The following SNTB1 variants were observed in gnomAD, a reference collection of about 807,000 sequenced individuals.
SNTB1 encodes syntrophin beta 1, also known as beta-1-syntrophin.
SNTB1 carries 36 observed loss-of-function variants against 48.9 expected under a neutral mutation model. That is an observed-to-expected ratio of 0.74 (90% CI 0.56 to 0.97). The LOEUF is 0.97. Among genes scored for constraint, SNTB1 ranks in the 50% least tolerant of loss-of-function variants. SNTB1 has a pLI of 0.00. For synonymous variants in SNTB1, 299 were observed against 294.6 expected (o/e 1.01, Z -0.15); for missense variants, 786 against 703.4 (o/e 1.12, Z -1.33).
intron 1 of SNTB1, among the ~76,000 whole-genome samples, chr8:120,734,898 G>A (rs2129987258): frequency 6.6e-6 from 1 of 152,328 alleles, no homozygotes; most frequent in African/African-American, 2.4e-5. Context: ...CTGGCTATAA[G>A]TGGATGAGAA....
chr8:120,595,860 C>T (rs1264956964), intron 3 of SNTB1, among the ~76,000 whole-genome samples: 1 of 152,070 alleles, frequency 6.6e-6, no homozygotes, highest in Non-Finnish European at 1.5e-5. Context: ...TGGGATTCCT[C>T]TACTTTCTTA....
chr8:120,554,234 T>G (rs1255680647), intron 4 of SNTB1, among the ~76,000 whole-genome samples: 1 of 152,122 alleles, frequency 6.6e-6, no homozygotes, highest in Non-Finnish European at 1.5e-5. Context: ...TTCTACATGG[T>G]CCTGGGGTAA....
chr8:120,795,252 A>G (rs1220936756), intron 1 of SNTB1, among the ~76,000 whole-genome samples: 1 of 151,998 alleles, frequency 6.6e-6, no homozygotes, highest in East Asian at 1.9e-4. Flanking sequence ...AAGTTAAAAA[A>G]AAAAACAAAA....
Position 120,538,754 on chromosome 8 carries a change from G to T in SNTB1, c.*123C>A. The T allele has an allele frequency of 2.4e-6, 2 of 828,218 alleles. No homozygotes were observed. The highest frequency in any genetic ancestry group is 4.2e-6 in the Non-Finnish European group (2 of 473,098). The allele number at this position is 828,218 out of a possible 1,614,324, so 51.3% of individuals were successfully genotyped here. ...TCTGGGACAGTTACATACGACTCTT[G>T]AGAGCTAAAGCTGACTGTAGCACGC... On this transcript the variant is annotated 3_prime_UTR_variant, in exon 7 of 7. Coordinates refer to ENST00000517992, the MANE Select transcript of SNTB1 (RefSeq NM_021021.4).
At chr8:120,695,316 C>T (rs9642852) in intron 1 of SNTB1, among the ~76,000 whole-genome samples, 14,708 of 152,210 alleles carry the variant, frequency 0.097, 694 homozygotes, top group Admixed American at 0.11. Flanking sequence ...ATGAACAATA[C>T]ACTCCAAACT....
intron 6 of SNTB1, 61 bp from the exon 7 acceptor site, chr8:120,539,030 G>T: frequency 7.7e-7 from 1 of 1,291,028 alleles, no homozygotes; most frequent in South Asian, 1.4e-5. Context: ...GTAGATGGGT[G>T]ATTTGCACAT....
At chr8:120,761,779 T>G (rs984069772) in intron 1 of SNTB1, among the ~76,000 whole-genome samples, 4 of 152,212 alleles carry the variant, frequency 2.6e-5, no homozygotes, top group Non-Finnish European at 1.5e-5. Flanking sequence ...TACACTATGG[T>G]ACAAGTTCTA....
At chr8:120,725,817 C>T (rs1430952307) in intron 1 of SNTB1, among the ~76,000 whole-genome samples, 1 of 152,198 alleles carries the variant, frequency 6.6e-6, no homozygotes, top group Non-Finnish European at 1.5e-5. Context: ...GCAACTCCTT[C>T]ATCTCCCCAG....
chr8:120,732,754 G>A (rs889827262), intron 1 of SNTB1, among the ~76,000 whole-genome samples: 5 of 152,192 alleles, frequency 3.3e-5, no homozygotes, highest in Non-Finnish European at 2.9e-5. Context: ...GCTGAGGCAG[G>A]AGAATCATTT....
chr8:120,604,022 G>T (rs1170155163), intron 3 of SNTB1, among the ~76,000 whole-genome samples: 1 of 152,162 alleles, frequency 6.6e-6, no homozygotes, highest in Non-Finnish European at 1.5e-5. Flanking sequence ...ATACCCAGGT[G>T]TCTGCGAGTG....
rs574745990 is a variant in SNTB1, at chr8:120,751,913, T to C, written c.572-58005A>G. ...TTCATCTTGTTCTGGCTGAAAGCAG[T>C]TAATGGAAAATGGTGCAACTCAGCA... On this transcript the variant is annotated intron_variant, in intron 1 of 6. Transcript: ENST00000517992. 1.1e-4 allele frequency among the ~76,000 whole-genome samples: 16 copies of C among 152,264 alleles called. No individual in the cohort carries two copies. The East Asian group carries it at 2.9e-3, about 28-fold the overall frequency.
At chr8:120,740,832 T>A (rs1168505094) in intron 1 of SNTB1, among the ~76,000 whole-genome samples, 1 of 152,204 alleles carries the variant, frequency 6.6e-6, no homozygotes, top group Non-Finnish European at 1.5e-5. Flanking sequence ...GAAAAAACTT[T>A]AACACATTCT....
At chr8:120,724,851 G>T (rs1349314189) in intron 1 of SNTB1, among the ~76,000 whole-genome samples, 1 of 152,196 alleles carries the variant, frequency 6.6e-6, no homozygotes, top group Non-Finnish European at 1.5e-5. Context: ...TGGGTGAAAT[G>T]CACAAGGCAG....
chr8:120,801,306 C>T (rs1229554688), intron 1 of SNTB1, among the ~76,000 whole-genome samples: 1 of 151,982 alleles, frequency 6.6e-6, no homozygotes, highest in East Asian at 1.9e-4. Context: ...CTACATAAGT[C>T]ACCTCTTCTG....
chr8:120,695,857 C>G (rs1296436006), intron 1 of SNTB1, among the ~76,000 whole-genome samples: 1 of 152,160 alleles, frequency 6.6e-6, no homozygotes, highest in Non-Finnish European at 1.5e-5. Context: ...AAGAAAAGAG[C>G]TCCATGGTTG....
intron 2 of SNTB1, among the ~76,000 whole-genome samples, chr8:120,677,713 A>G (rs1220521160): frequency 1.3e-5 from 2 of 152,162 alleles, no homozygotes; most frequent in Non-Finnish European, 2.9e-5. Context: ...TAAAAATAGT[A>G]TATTCATAGA....
intron 2 of SNTB1, among the ~76,000 whole-genome samples, chr8:120,677,521 C>G (rs1037877158): frequency 1.3e-5 from 2 of 152,156 alleles, no homozygotes; most frequent in African/African-American, 4.8e-5. Flanking sequence ...GAAAATACGA[C>G]TTTCCCAGGA....
At chr8:120,753,374 C>T (rs1248517109) in intron 1 of SNTB1, among the ~76,000 whole-genome samples, 1 of 152,142 alleles carries the variant, frequency 6.6e-6, no homozygotes, top group East Asian at 1.9e-4. Flanking sequence ...GCCCACTCCA[C>T]CTCCCAGACT....
chr8:120,786,009 G>A (rs1273949535), intron 1 of SNTB1, among the ~76,000 whole-genome samples: 1 of 152,182 alleles, frequency 6.6e-6, no homozygotes, highest in Non-Finnish European at 1.5e-5. Context: ...AACACACTAA[G>A]GCTATTTATA....
Sources: gnomAD v4.1 joint callset for allele counts (sites outside exome capture counted in the v4.1 genomes callset) on GRCh38, gnomAD v4.1.1 for gene constraint, MANE v1.5 for transcripts, NCBI Gene and HGNC (gene_info 2026-07-23, HGNC 2026-07-21) for gene names.